Variants in TNFRSF19 observed in about 807,000 individuals in gnomAD.
TNFRSF19 encodes TNF receptor superfamily member 19, also known as tumor necrosis factor receptor superfamily member 19.
Under a neutral mutation model 46.4 loss-of-function variants are expected in TNFRSF19, and 27 were observed. The ratio of observed to expected loss-of-function variants is 0.58; its 90% CI spans 0.43 to 0.80. TNFRSF19 has a LOEUF of 0.80. Ranked by LOEUF, TNFRSF19 falls within the 30% of genes least tolerant of loss-of-function variation. The pLI is 0.00. For synonymous variants in TNFRSF19, 204 were observed against 205.0 expected (o/e 1.00, Z 0.04); for missense variants, 511 against 530.8 (o/e 0.96, Z 0.37).
intron 9 of TNFRSF19, among the ~76,000 whole-genome samples, chr13:23,671,551 A>T (rs1051667055): frequency 6.6e-6 from 1 of 151,664 alleles, no homozygotes; most frequent in Non-Finnish European, 1.5e-5. Flanking sequence ...TGTGAAATGT[A>T]GCAAATGAAC....
intron 5 of TNFRSF19, 124 bp from the exon 6 acceptor site, chr13:23,658,926 A>T: frequency 1.6e-6 from 2 of 1,272,482 alleles, no homozygotes; most frequent in Non-Finnish European, 2.2e-6. Context: ...AGCCATCTTT[A>T]AATATCTCAT....
intron 4 of TNFRSF19, among the ~76,000 whole-genome samples, chr13:23,625,757 C>A (rs1476019771): frequency 6.6e-6 from 1 of 152,064 alleles, no homozygotes; most frequent in Admixed American, 6.6e-5. Flanking sequence ...AATTGCCCTC[C>A]TAAAAGTGGC....
At chr13:23,672,787 G>A (rs1247779772) in intron 9 of TNFRSF19, among the ~76,000 whole-genome samples, 1 of 152,166 alleles carries the variant, frequency 6.6e-6, no homozygotes, top group Non-Finnish European at 1.5e-5. Context: ...ATGAGGACAC[G>A]TCTAATGGCT....
chr13:23,599,829 C>T lies in TNFRSF19; in HGVS notation c.180+6374C>T, dbSNP rs75390174. On this transcript the variant is annotated intron_variant, in intron 3 of 9. Coordinates refer to ENST00000248484, the MANE Select transcript of TNFRSF19 (RefSeq NM_148957.4). ...GGAGGGTACCATGAGGCATGTCTGG[C>T]GCCCCCTTTCCATCCTGTCCTGAAC... is the stretch of plus-strand genomic sequence containing the variant. Among the ~76,000 whole-genome samples, 1,265 of 151,854 alleles carry T rather than the reference C, an allele frequency of 8.3e-3. 29 individuals carry two copies. The highest frequency in any genetic ancestry group is 0.076 in the East Asian group (391 of 5,138).
chr13:23,630,198 G>T (rs1882264235), intron 5 of TNFRSF19, among the ~76,000 whole-genome samples: 1 of 151,664 alleles, frequency 6.6e-6, no homozygotes, highest in Non-Finnish European at 1.5e-5. Context: ...AGCTACTTGG[G>T]AGGCTGGGGT....
intron 3 of TNFRSF19, among the ~76,000 whole-genome samples, chr13:23,596,554 T>A (rs147829138): frequency 6.6e-6 from 1 of 152,228 alleles, no homozygotes; most frequent in Non-Finnish European, 1.5e-5. Context: ...GGGCTAACTA[T>A]CCTAAATATT....
rs1350814874 is a variant in TNFRSF19 at position 23,570,539 on chromosome 13, A to T, written c.-344A>T. On this transcript the variant is annotated 5_prime_UTR_variant, in exon 1 of 10. Transcript: ENST00000248484. Reference sequence around the variant, plus strand: ...CCTCATTGCAAAAAAGAGGAGGAAAACAACGTGATCCATGTTTAACAAAAG... The same window carrying T: ...CCTCATTGCAAAAAAGAGGAGGAAATCAACGTGATCCATGTTTAACAAAAG... The T allele has an allele frequency of 6.6e-6, 1 of 152,230 alleles. No homozygotes were observed. Among genetic ancestry groups the T allele is most frequent in the Non-Finnish European group, 1.5e-5 (1 of 68,050 alleles). The allele number at this position is 152,230 out of a possible 1,614,324, so 9.4% of individuals were successfully genotyped here.
chr13:23,650,730 C>T (rs1331644819), intron 5 of TNFRSF19, among the ~76,000 whole-genome samples: 5 of 151,990 alleles, frequency 3.3e-5, no homozygotes, highest in African/African-American at 1.2e-4. Flanking sequence ...GTCTATTTTA[C>T]TATAATTTTA....
At chr13:23,636,457 CT>C (rs1882687811) in intron 5 of TNFRSF19, among the ~76,000 whole-genome samples, 1 of 152,126 alleles carries the variant, frequency 6.6e-6, no homozygotes, top group Non-Finnish European at 1.5e-5. Context: ...ATCTCCTCGT[CT>C]TCTCCTTTAG....
At position 23,615,907 on chromosome 13, in the gene TNFRSF19, C is replaced by T. The variant is rs775598675; in HGVS notation, c.221C>T (p.Thr74Met). The change falls in exon 4 of 10, where the codon ACG becomes ATG. Residue 74 changes from threonine to methionine, a missense_variant. Around this residue, in one of 3 missense-constraint regions of TNFRSF19, gnomAD observed 121 missense variants for 124.1 expected, o/e 0.98. Coordinates refer to ENST00000248484, the MANE Select transcript of TNFRSF19 (RefSeq NM_148957.4). Reference sequence around the variant, plus strand: ...TATGGGGAGGATGCACAGTGTGTGACGTGCCGGCTGCACAGGTTCAAGGAG... The same window carrying T: ...TATGGGGAGGATGCACAGTGTGTGATGTGCCGGCTGCACAGGTTCAAGGAG... The part of the protein sequence containing the change: ...FGYGEDAQCV[T>M]CRLHRFKEDW... The T allele has an allele frequency of 6.8e-6, 11 of 1,613,462 alleles. No individual in the cohort carries two copies. In the East Asian group the frequency reaches 8.9e-5, roughly 13 times the overall value.
At chr13:23,603,492 A>G (rs74573889) in intron 3 of TNFRSF19, among the ~76,000 whole-genome samples, 11,950 of 152,088 alleles carry the variant, frequency 0.079, 691 homozygotes, top group East Asian at 0.28. Flanking sequence ...AAATCACCCT[A>G]ATGCCTAAAC....
Position 23,653,026 on chromosome 13 carries a change from C to T in TNFRSF19, c.446-6024C>T, listed in dbSNP as rs141128808. 2.0e-5 allele frequency among the ~76,000 whole-genome samples: 3 copies of T among 152,320 alleles called. No homozygotes were observed. In the East Asian group the frequency reaches 5.8e-4, roughly 29 times the overall value. On this transcript the variant is annotated intron_variant, in intron 5 of 9. Coordinates refer to ENST00000248484, the MANE Select transcript of TNFRSF19 (RefSeq NM_148957.4). ...AAGTAAGATAGAAGTTTCTCTGTCT[C>T]GTATTTAGCAGTTCAGCCTGGGAAA...
intron 3 of TNFRSF19, 56 bp from the exon 4 acceptor site, chr13:23,615,811 T>C (rs1015822967): frequency 1.4e-5 from 21 of 1,492,744 alleles, no homozygotes; most frequent in Non-Finnish European, 1.8e-5. Context: ...TAGCGGTCTT[T>C]CCTTTTCACG....
intron 5 of TNFRSF19, among the ~76,000 whole-genome samples, chr13:23,656,181 A>G (rs895892390): frequency 6.6e-6 from 1 of 152,206 alleles, no homozygotes; most frequent in Admixed American, 6.5e-5. Context: ...GCCTGGGGAA[A>G]TGTGTGGAGA....
In TNFRSF19 at chr13:23,668,992, C is replaced by T. The variant is rs1951704508; in HGVS notation, c.1140C>T (p.Asn380=). ...TAATDLSRYN[N]TLVESASTQD... The stretch of plus-strand genomic sequence containing the variant: ...CTACTGATTTATCTAGATATAACAA[C>T]ACACTGGTAGAATCAGCATCAACTC... Residue 380 remains asparagine, a synonymous_variant, in exon 9 of 10, where the codon AAC becomes AAT. Coordinates refer to ENST00000248484, the MANE Select transcript of TNFRSF19 (RefSeq NM_148957.4). 1.2e-6 allele frequency: 2 copies of T among 1,614,230 alleles called. No individual in the cohort carries two copies. The highest frequency in any genetic ancestry group is 1.7e-6 in the Non-Finnish European group (2 of 1,180,044).
intron 5 of TNFRSF19, among the ~76,000 whole-genome samples, chr13:23,627,596 T>C (rs1882091452): frequency 6.6e-6 from 1 of 152,096 alleles, no homozygotes; most frequent in Non-Finnish European, 1.5e-5. Flanking sequence ...ACAGCAGGGC[T>C]CAGGAGAGCC....
At chr13:23,616,394 T>C (rs1469235779) in intron 4 of TNFRSF19, among the ~76,000 whole-genome samples, 1 of 152,176 alleles carries the variant, frequency 6.6e-6, no homozygotes, top group Non-Finnish European at 1.5e-5. Context: ...CTGGCAATCC[T>C]CTGACAATGT....
At chr13:23,579,817 G>A (rs908087342) in intron 1 of TNFRSF19, among the ~76,000 whole-genome samples, 2 of 152,038 alleles carry the variant, frequency 1.3e-5, no homozygotes, top group African/African-American at 4.8e-5. Context: ...CTCCTATCCG[G>A]GATATTGTAA....
chr13:23,630,329 A>G (rs1293204705), intron 5 of TNFRSF19, among the ~76,000 whole-genome samples: 4 of 145,082 alleles, frequency 2.8e-5, no homozygotes, highest in Non-Finnish European at 4.6e-5. Flanking sequence ...AAAAAAGGGT[A>G]AAAAAGAAGA....
Sources: allele counts gnomAD v4.1 joint callset (sites outside exome capture counted in the v4.1 genomes callset), GRCh38; gene constraint gnomAD v4.1.1; regional missense constraint gnomAD v4.1.1; transcripts MANE v1.5; gene names NCBI Gene and HGNC (gene_info 2026-07-23, HGNC 2026-07-21).